Variants in RBM12 observed in about 807,000 individuals in gnomAD.
RBM12 encodes RNA binding motif protein 12.
A neutral mutation model predicts 37.2 loss-of-function variants in RBM12; 24 were observed. The ratio of observed to expected loss-of-function variants is 0.65; its 90% CI spans 0.47 to 0.91. The LOEUF (loss-of-function observed/expected upper bound fraction) is 0.91, where lower values mean the gene tolerates loss of function less well. Among genes scored for constraint, RBM12 ranks in the 40% least tolerant of loss-of-function variants. The pLI, the probability that RBM12 is intolerant of heterozygous loss-of-function variation, is 0.00. For missense variants in RBM12, 1,061 were observed against 1,183.2 expected, an observed-to-expected ratio of 0.90 and a Z score of 1.52; for synonymous variants, 420 against 425.2, an observed-to-expected ratio of 0.99 and a Z score of 0.15.
In RBM12 at chr20:35,655,442, T is replaced by C. The variant is rs913234584; in HGVS notation, c.-22-98A>G. 5 of 1,017,112 alleles carry C rather than the reference T, an allele frequency of 4.9e-6. No individual in the cohort carries two copies. In the African/African-American group the frequency reaches 8.1e-5, roughly 16 times the overall value. 63.0% of individuals were successfully genotyped at this position (1,017,112 alleles called of 1,614,324 possible). On this transcript the variant is annotated intron_variant, in intron 2 of 2. Transcript: ENST00000374114. Reference sequence around the variant, plus strand: ...CCAGCTACCATATTAGGCCCTCAAATATTCCCTCAAGCTATCACAGGCAAT... The same window carrying C: ...CCAGCTACCATATTAGGCCCTCAAACATTCCCTCAAGCTATCACAGGCAAT...
Position 35,650,359 on chromosome 20 carries a change from A to C in RBM12, c.*2165T>G, listed in dbSNP as rs1170229818. On this transcript the variant is annotated 3_prime_UTR_variant, in exon 3 of 3. Transcript: ENST00000374114. ...ATGAAATATTTAATAAGAATGTACG[A>C]ACATATAACCAAAATAAATTGTGAA... 6.6e-6 allele frequency: 1 copy of C among 152,408 alleles called. No individual in the cohort carries two copies. The highest frequency in any genetic ancestry group is 1.5e-5 in the Non-Finnish European group (1 of 68,020). The allele number at this position is 152,408 out of a possible 1,614,324, so 9.4% of individuals were successfully genotyped here.
In RBM12 at chr20:35,652,580, T is replaced by C. The variant is rs377388471; in HGVS notation, c.2743A>G (p.Ile915Val). 1.2e-6 allele frequency: 2 copies of C among 1,614,194 alleles called. No individual in the cohort carries two copies. The highest frequency in any genetic ancestry group is 1.7e-5 in the Admixed American group (1 of 60,008). The change falls in exon 3 of 3, where the codon ATT (isoleucine) becomes GTT (valine). Residue 915 changes from isoleucine (I) to valine (V), a missense_variant. Around this residue, in one of 3 missense-constraint regions of RBM12, gnomAD observed 517 missense variants for 534.0 expected, o/e 0.97. Transcript: ENST00000374114. ...ESRDEATAAVIDLNDRPIGSR... is the reference protein window; with the variant it reads ...ESRDEATAAVVDLNDRPIGSR... Reference sequence around the variant, plus strand: ...CCTATAGGCCTGTCATTTAAGTCAATGACAGCAGCTGTGGCTTCATCCCGA... The same window carrying C: ...CCTATAGGCCTGTCATTTAAGTCAACGACAGCAGCTGTGGCTTCATCCCGA...
At chr20:35,656,195 T>C (rs764534138) in intron 2 of RBM12, among the ~76,000 whole-genome samples, 1 of 152,222 alleles carries the variant, frequency 6.6e-6, no homozygotes, top group Non-Finnish European at 1.5e-5. Flanking sequence ...TTTAAAGTAT[T>C]ATTTTCCCCT....
At chr20:35,659,138 CAAAAA>C (rs370328377) in intron 1 of RBM12, 124 bp from the exon 2 acceptor site, 125 of 271,952 alleles carry the variant, frequency 4.6e-4, no homozygotes, top group South Asian at 6.7e-4. Flanking sequence ...GAATGCATAT[CAAAAA>C]AAAAAAAAAA....
rs921819545 is a variant in RBM12 at position 35,650,774 on chromosome 20, T to TA, written c.*1749dup. 59 of 152,718 alleles carry TA rather than the reference T, an allele frequency of 3.9e-4. No individual in the cohort carries two copies. Among genetic ancestry groups the TA allele is most frequent in the African/African-American group, 1.4e-3 (57 of 41,548 alleles). 9.5% of individuals were successfully genotyped at this position (152,718 alleles called of 1,614,324 possible). On this transcript the variant is annotated 3_prime_UTR_variant, in exon 3 of 3. Transcript: ENST00000374114. Reference sequence around the variant, plus strand: ...TATCAAATGAAACTGTTGCCACTCTTAAATTACACAACCGCTGTATTTCAG... The same window carrying TA: ...TATCAAATGAAACTGTTGCCACTCTTAAAATTACACAACCGCTGTATTTCAG...
intron 2 of RBM12, among the ~76,000 whole-genome samples, chr20:35,658,529 G>C (rs1377303256): frequency 6.6e-6 from 1 of 152,144 alleles, no homozygotes; most frequent in Non-Finnish European, 1.5e-5. Flanking sequence ...GGGAGGCTAA[G>C]GCAGGTGGAT....
chr20:35,663,363 C>T (rs1243039013), intron 1 of RBM12, among the ~76,000 whole-genome samples: 1 of 152,220 alleles, frequency 6.6e-6, no homozygotes, highest in Non-Finnish European at 1.5e-5. Flanking sequence ...AGGTCCCAGA[C>T]AATTCTTGTT....
rs1249239770 is a variant in RBM12, at chr20:35,653,747, A to G, written c.1576T>C (p.Tyr526His). The change falls in exon 3 of 3, where the codon TAT (tyrosine) becomes CAT (histidine). Residue 526 changes from tyrosine to histidine, a missense_variant. Around this residue, in one of 3 missense-constraint regions of RBM12, gnomAD observed 517 missense variants for 534.0 expected, o/e 0.97. Coordinates refer to ENST00000374114, the MANE Select transcript of RBM12 (RefSeq NM_006047.6). Reference protein sequence around the residue: ...MIRKRLQNFSYDQREMILNPE... With the variant: ...MIRKRLQNFSHDQREMILNPE... The stretch of plus-strand genomic sequence containing the variant: ...TTTAGTATCATTTCCCTCTGGTCAT[A>G]GCTGAAGTTCTGCAGTCTTTTTCGA... The G allele has an allele frequency of 2.5e-6, 4 of 1,614,184 alleles. No individual in the cohort carries two copies. Among genetic ancestry groups the G allele is most frequent in the East Asian group, 4.5e-5 (2 of 44,890 alleles).
Position 35,652,757 on chromosome 20 carries a change from T to C in RBM12, c.2566A>G (p.Thr856Ala), listed in dbSNP as rs749286635. 3.1e-6 allele frequency: 5 copies of C among 1,612,930 alleles called. No homozygotes were observed. Among genetic ancestry groups the C allele is most frequent in the Non-Finnish European group, 4.2e-6 (5 of 1,179,338 alleles). ...FASSSGKPGP[T>A]VIKVQNMPFT... is the part of the protein sequence containing the mutation. ...GGCATGTTTTGCACTTTAATTACTG[T>C]CGGTCCTGGTTTTCCAGAACTAGAT... The change falls in exon 3 of 3, where the codon ACA becomes GCA. Residue 856 changes from threonine to alanine, a missense_variant. Coordinates refer to ENST00000374114, the MANE Select transcript of RBM12 (RefSeq NM_006047.6).
intron 2 of RBM12, 114 bp downstream of exon 2, chr20:35,658,802 AACACACACACACAC>A (rs10542710): frequency 0.062 from 29,370 of 473,346 alleles, 930 homozygotes; most frequent in Non-Finnish European, 0.075. Flanking sequence ...AGCAAACAAA[AACACACACACACAC>A]ACACACACAC....
At position 35,651,470 on chromosome 20, in the gene RBM12, T is replaced by C. The variant is rs887626672; in HGVS notation, c.*1054A>G. 2 of 152,184 alleles carry C rather than the reference T, an allele frequency of 1.3e-5. No individual in the cohort carries two copies. Among genetic ancestry groups the C allele is most frequent in the Admixed American group, 6.5e-5 (1 of 15,276 alleles). The allele number at this position is 152,184 out of a possible 1,614,324, so 9.4% of individuals were successfully genotyped here. A position where few individuals can be genotyped will look rare whatever the true frequency, so the allele number is the denominator to read the frequency against. ...ACACGTATCAATCTACGAACCAGCA[T>C]ACGGATCTTTTATTCTATACTACTA... On this transcript the variant is annotated 3_prime_UTR_variant, in exon 3 of 3. Transcript: ENST00000374114.
chr20:35,657,180 G>A (rs900118030), intron 2 of RBM12, among the ~76,000 whole-genome samples: 2 of 152,188 alleles, frequency 1.3e-5, no homozygotes, highest in Non-Finnish European at 2.9e-5. Flanking sequence ...AGAAATTTGG[G>A]AAGTGTGGGG....
rs746292091 is a variant in RBM12 at position 35,649,428 on chromosome 20, C to G, written c.*3096G>C. The G allele has an allele frequency of 1.1e-4, 16 of 152,380 alleles. No homozygotes were observed. Among genetic ancestry groups the G allele is most frequent in the Non-Finnish European group, 1.9e-4 (13 of 68,010 alleles). 9.4% of individuals were successfully genotyped at this position (152,380 alleles called of 1,614,324 possible). On this transcript the variant is annotated 3_prime_UTR_variant, in exon 3 of 3. Coordinates refer to ENST00000374114, the MANE Select transcript of RBM12 (RefSeq NM_006047.6). ...CTTCCATACAGTCCTAGATTTTCAT[C>G]CAGTGGGTTAAGACTGGCCTTAACT...
intron 1 of RBM12, among the ~76,000 whole-genome samples, chr20:35,663,279 A>G (rs769556479): frequency 2.6e-5 from 4 of 152,218 alleles, no homozygotes; most frequent in African/African-American, 7.2e-5. Flanking sequence ...AGATTTCCCT[A>G]TGTGTCCAGA....
At position 35,654,098 on chromosome 20, in the gene RBM12, G is replaced by C. The variant is rs747373238; in HGVS notation, c.1225C>G (p.Pro409Ala). The C allele has an allele frequency of 1.2e-6, 2 of 1,614,206 alleles. No homozygotes were observed. Among genetic ancestry groups the C allele is most frequent in the Admixed American group, 3.3e-5 (2 of 60,030 alleles). ...GQTHPPPQTLPRSKSPSGQKR... is the reference protein window; with the variant it reads ...GQTHPPPQTLARSKSPSGQKR... ...TGCCCACTGGGCGATTTTGACCTGG[G>C]AAGTGTCTGAGGAGGGGGATGAGTT... Residue 409 changes from proline (P) to alanine (A), a missense_variant, in exon 3 of 3, where the codon CCC becomes GCC. This residue lies in a region of RBM12 where 540 missense variants were observed against 632.7 expected (regional missense o/e 0.85). Transcript: ENST00000374114.
In RBM12 at chr20:35,653,786, T is replaced by C; in HGVS notation, c.1537A>G (p.Lys513Glu). 1 of 1,614,048 alleles carries C rather than the reference T, an allele frequency of 6.2e-7. No individual in the cohort carries two copies. The highest frequency in any genetic ancestry group is 8.5e-7 in the Non-Finnish European group (1 of 1,180,036). The change falls in exon 3 of 3, where the codon AAG (lysine) becomes GAG (glutamate). Residue 513 changes from lysine (K) to glutamate (E), a missense_variant. Lys to Glu is a moderately conservative substitution (Grantham distance 56). Coordinates refer to ENST00000374114, the MANE Select transcript of RBM12 (RefSeq NM_006047.6). ...HPITKKGMLEKIDMIRKRLQN... is the reference protein window; with the variant it reads ...HPITKKGMLEEIDMIRKRLQN... Reference sequence around the variant, plus strand: ...AGTCTTTTTCGAATCATATCTATCTTTTCTAGCATACCTTTCTTAGTAATT... The same window carrying C: ...AGTCTTTTTCGAATCATATCTATCTCTTCTAGCATACCTTTCTTAGTAATT...
At chr20:35,663,919 C>T (rs529125015) in intron 1 of RBM12, among the ~76,000 whole-genome samples, 125 of 152,318 alleles carry the variant, frequency 8.2e-4, no homozygotes, top group African/African-American at 2.9e-3. Context: ...ACCCACCCTC[C>T]GCAGCCCACT....
In RBM12 at chr20:35,652,927, A is replaced by C; in HGVS notation, c.2396T>G (p.Leu799Ter). Residue 799 changes from leucine (L) to a stop codon, truncating the protein, a stop_gained, in exon 3 of 3, where the codon TTA (leucine) becomes TGA (stop). Transcript: ENST00000374114. LOFTEE classifies it high-confidence loss of function. ...ACTTCCAAACCCCGGGGGACCGCCT[A>C]AGCTACCAGGGCCATTTCCAAAATT... Reference protein sequence around the residue: ...PQNFGNGPGSLGGPPGFGSGP... With the variant: ...PQNFGNGPGS 1 of 1,613,788 alleles carries C rather than the reference A, an allele frequency of 6.2e-7. No homozygotes were observed. The highest frequency in any genetic ancestry group is 8.5e-7 in the Non-Finnish European group (1 of 1,180,030).
In RBM12 at chr20:35,654,929, T is replaced by C; in HGVS notation, c.394A>G (p.Ser132Gly). ...TVSNFNNPSP[S>G]VVTATTSVHE... ...ACAGAAGTGGTGGCAGTAACTACAC[T>C]GGGTGATGGATTATTAAAGTTGGAT... is the stretch of plus-strand genomic sequence containing the variant. Residue 132 changes from serine (S) to glycine (G), a missense_variant, in exon 3 of 3, where the codon AGT becomes GGT. Ser to Gly is a moderately conservative substitution (Grantham distance 56). This residue lies in a region of RBM12 where 540 missense variants were observed against 632.7 expected (regional missense o/e 0.85). Transcript: ENST00000374114. 1.2e-6 allele frequency: 2 copies of C among 1,614,164 alleles called. No individual in the cohort carries two copies. Among genetic ancestry groups the C allele is most frequent in the Non-Finnish European group, 1.7e-6 (2 of 1,180,030 alleles).
Sources: allele counts gnomAD v4.1 joint callset (sites outside exome capture counted in the v4.1 genomes callset), GRCh38; gene constraint gnomAD v4.1.1; regional missense constraint gnomAD v4.1.1; transcripts MANE v1.5; gene names NCBI Gene and HGNC (gene_info 2026-07-23, HGNC 2026-07-21).